The following DOCK11 variants were observed in gnomAD, a reference collection of about 807,000 sequenced individuals.
DOCK11 encodes the protein dedicator of cytokinesis 11, also known as dedicator of cytokinesis protein 11.
A neutral mutation model predicts 169.1 loss-of-function variants in DOCK11; 70 were observed. The ratio of observed to expected loss-of-function variants is 0.41; its 90% CI spans 0.34 to 0.51. The LOEUF (loss-of-function observed/expected upper bound fraction) is 0.51. Ranked by LOEUF, DOCK11 falls within the 20% of genes least tolerant of loss-of-function variation. The probability of loss-of-function intolerance (pLI) is 0.10; values close to 1 mark genes in which losing one functional copy is unlikely to be tolerated. For missense variants in DOCK11, 1,166 were observed against 1,538.8 expected, an observed-to-expected ratio of 0.76 and a Z score of 4.05; for synonymous variants, 529 against 541.3, an observed-to-expected ratio of 0.98 and a Z score of 0.32.
intron 32 of DOCK11, among the ~76,000 whole-genome samples, 179 bp downstream of exon 32, chrX:118,624,834 C>G (rs1205160001): frequency 3.9e-5 from 4 of 101,413 alleles, no homozygotes; most frequent in Non-Finnish European, 7.9e-5. Context: ...TCATAGTTCA[C>G]TGTAGTCTCA....
At position 118,561,383 on chromosome X, in the gene DOCK11, G is replaced by A; in HGVS notation, c.559G>A (p.Val187Ile). 1 of 1,192,407 alleles carries A rather than the reference G, an allele frequency of 8.4e-7. No individual in the cohort carries two copies. Among genetic ancestry groups the A allele is most frequent in the Non-Finnish European group, 1.1e-6 (1 of 886,306 alleles). Residue 187 changes from valine to isoleucine, a missense_variant and splice_region_variant, in exon 7 of 53, where the codon GTA becomes ATA. Coordinates refer to ENST00000276202, the MANE Select transcript of DOCK11 (RefSeq NM_144658.4). ...VNSTITVTMK[V>I]FKRRYFYLTQ... The stretch of plus-strand genomic sequence containing the variant: ...TCATTGCTGGGTTTTCCCCATGTAG[G>A]TATTCAAGAGACGATATTTTTACTT...
At position 118,608,137 on chromosome X, in the gene DOCK11, T is replaced by G; in HGVS notation, c.2747T>G (p.Ile916Arg). The change falls in exon 25 of 53, where the codon ATA becomes AGA. Residue 916 changes from isoleucine to arginine, a missense_variant. Coordinates refer to ENST00000276202, the MANE Select transcript of DOCK11 (RefSeq NM_144658.4). ...TTGGATAGTTATCTAAGATCATTCA[T>G]AAAGGTTTGTGGAGTAAAGTTTCTT... ...EGLDSYLRSF[I>R]KYSFRPEKPS... The G allele has an allele frequency of 8.3e-7, 1 of 1,203,467 alleles. No homozygotes were observed. The highest frequency in any genetic ancestry group is 1.7e-5 in the African/African-American group (1 of 57,410).
chrX:118,497,008 C>G (rs2147299736), intron 1 of DOCK11, among the ~76,000 whole-genome samples: 1 of 112,577 alleles, frequency 8.9e-6, no homozygotes, highest in East Asian at 2.8e-4. Flanking sequence ...GCACTTGCCC[C>G]TTCTCTTGTT....
chrX:118,553,593 A>G, intron 6 of DOCK11, among the ~76,000 whole-genome samples: 1 of 111,456 alleles, frequency 9.0e-6, no homozygotes, highest in Non-Finnish European at 1.9e-5. Context: ...GCCATTTGTT[A>G]TATATCCAGA....
intron 30 of DOCK11, 76 bp from the exon 31 acceptor site, chrX:118,618,474 A>T: frequency 1.3e-6 from 1 of 768,580 alleles, no homozygotes; most frequent in Non-Finnish European, 1.8e-6. Flanking sequence ...ACATATTATT[A>T]AATAATACAG....
Position 118,564,223 on chromosome X carries a change from G to T in DOCK11, c.694-1782G>T, listed in dbSNP as rs186569744. 1.6e-3 allele frequency among the ~76,000 whole-genome samples: 183 copies of T among 112,350 alleles called. 1 individual carries two copies. The highest frequency in any genetic ancestry group is 5.3e-3 in the African/African-American group (164 of 30,942). Reference sequence around the variant, plus strand: ...TACAGGCGTGAGCCGCCATGCTCAGGCACCTCATCTATTTATGATACCGCC... The same window carrying T: ...TACAGGCGTGAGCCGCCATGCTCAGTCACCTCATCTATTTATGATACCGCC... On this transcript the variant is annotated intron_variant, in intron 7 of 52. Transcript: ENST00000276202.
chrX:118,620,691 T>C (rs1467314176), intron 31 of DOCK11, among the ~76,000 whole-genome samples: 1 of 112,437 alleles, frequency 8.9e-6, no homozygotes, highest in East Asian at 2.8e-4. Flanking sequence ...TAAAAAGATA[T>C]CTTAAAAGTC....
rs2015527744 is a variant in DOCK11 at position 118,641,292 on chromosome X, C to T, written c.4247C>T (p.Thr1416Ile). The change falls in exon 39 of 53, where the codon ACT (threonine) becomes ATT (isoleucine). Residue 1416 changes from threonine to isoleucine, a missense_variant. Coordinates refer to ENST00000276202, the MANE Select transcript of DOCK11 (RefSeq NM_144658.4). ...LTVLDTISFF[T>I]QCFKTQLLNN... ...GTACTAGACACCATATCATTTTTCACTCAGTGCTTCAAGGTAAAAATGAAG... is the reference window on the plus strand; with the variant it reads ...GTACTAGACACCATATCATTTTTCATTCAGTGCTTCAAGGTAAAAATGAAG... 8.5e-7 allele frequency: 1 copy of T among 1,182,975 alleles called. No individual in the cohort carries two copies. The highest frequency in any genetic ancestry group is 2.2e-5 in the Admixed American group (1 of 45,239).
intron 6 of DOCK11, among the ~76,000 whole-genome samples, chrX:118,556,194 A>G (rs911820255): frequency 1.9e-5 from 2 of 107,657 alleles, no homozygotes; most frequent in African/African-American, 6.8e-5. Flanking sequence ...ACAGGTGTGC[A>G]CCACCACGCC....
chrX:118,670,339 T>C (rs2016438644), intron 45 of DOCK11, among the ~76,000 whole-genome samples: 1 of 111,728 alleles, frequency 9.0e-6, no homozygotes, highest in East Asian at 2.8e-4. Flanking sequence ...AGTAATTGGC[T>C]TCATGTTTTC....
chrX:118,607,144 C>T (rs2014539264), intron 24 of DOCK11, among the ~76,000 whole-genome samples: 1 of 69,039 alleles, frequency 1.4e-5, no homozygotes, highest in Non-Finnish European at 2.4e-5. Context: ...TAGGTGGAGT[C>T]TAGCTCTGTT....
At chrX:118,543,673 G>A (rs1039811791) in intron 4 of DOCK11, 80 bp downstream of exon 4, 15 of 835,681 alleles carry the variant, frequency 1.8e-5, no homozygotes, top group Non-Finnish European at 2.5e-5. Flanking sequence ...TTGTGAGGCC[G>A]GGTGCAGTGG....
chrX:118,660,619 C>G (rs865824837), intron 44 of DOCK11, among the ~76,000 whole-genome samples: 24 of 109,372 alleles, frequency 2.2e-4, no homozygotes, highest in Admixed American at 8.8e-4. Flanking sequence ...CACCCGCCAC[C>G]ACGCCCAGCT....
At position 118,654,796 on chromosome X, in the gene DOCK11, A is replaced by G. The variant is rs1392499368; in HGVS notation, c.4890A>G (p.Val1630=). ...TTGATAGCATGGCCAAGATTCATGT[A>G]AAAAATGGAGATTTTTCAGAGGTGA... is the stretch of plus-strand genomic sequence containing the variant. The part of the protein sequence containing the change: ...TWLDSMAKIH[V]KNGDFSEAAM... The change falls in exon 43 of 53, where the codon GTA becomes GTG. Residue 1630 remains valine, a synonymous_variant. Coordinates refer to ENST00000276202, the MANE Select transcript of DOCK11 (RefSeq NM_144658.4). The G allele has an allele frequency of 4.1e-6, 5 of 1,209,893 alleles. No homozygotes were observed. Among genetic ancestry groups the G allele is most frequent in the Non-Finnish European group, 5.6e-6 (5 of 895,193 alleles).
chrX:118,641,704 C>T (rs955018081), intron 39 of DOCK11, among the ~76,000 whole-genome samples: 5 of 111,194 alleles, frequency 4.5e-5, no homozygotes, highest in Non-Finnish European at 9.4e-5. Flanking sequence ...CTTCCCTAGG[C>T]GCGCACTTAG....
chrX:118,587,468 A>G (rs1351516568), intron 16 of DOCK11, among the ~76,000 whole-genome samples: 4 of 111,361 alleles, frequency 3.6e-5, no homozygotes, highest in Non-Finnish European at 5.7e-5. Context: ...CTCAGGTCCA[A>G]CTCTCCCTGG....
rs2012900104 is a variant in DOCK11 at position 118,561,263 on chromosome X, T to C, written c.559-120T>C. ...ATAATTCCTAACATCTTGTCAGGGT[T>C]GTCTGAAGATTGTCCAGGCACAATT... On this transcript the variant is annotated intron_variant, in intron 6 of 52. Transcript: ENST00000276202. 1.3e-5 allele frequency: 8 copies of C among 594,251 alleles called. No homozygotes were observed. The Admixed American group carries it at 2.7e-4, about 20-fold the overall frequency. 49.0% of individuals were successfully genotyped at this position (594,251 alleles called of 1,213,427 possible).
Position 118,553,865 on chromosome X carries a change from A to G in DOCK11, c.559-7518A>G, listed in dbSNP as rs778561163. On this transcript the variant is annotated intron_variant, in intron 6 of 52. Transcript: ENST00000276202. ...AATGGATTGCATTCATTTATTATGC[A>G]TAAGATTTTTTCATTAATTTGTTTT... Among the ~76,000 whole-genome samples the G allele has an allele frequency of 1.1e-3, 126 of 112,649 alleles. 1 individual carries two copies. Among genetic ancestry groups the G allele is most frequent in the Non-Finnish European group, 1.6e-3 (84 of 53,367 alleles).
chrX:118,673,674 CAT>C (rs1306403164), intron 46 of DOCK11, among the ~76,000 whole-genome samples: 1 of 111,286 alleles, frequency 9.0e-6, no homozygotes, highest in Non-Finnish European at 1.9e-5. Flanking sequence ...ATTTATATAA[CAT>C]ACAATTAACC....
Sources: gnomAD v4.1 joint callset for allele counts (sites outside exome capture counted in the v4.1 genomes callset) on GRCh38, gnomAD v4.1.1 for gene constraint, MANE v1.5 for transcripts, NCBI Gene and HGNC (gene_info 2026-07-23, HGNC 2026-07-21) for gene names.